RASGEF1C: variants seen among roughly 807,000 people sequenced by gnomAD.
RASGEF1C encodes the protein ras-GEF domain-containing family member 1C.
In RASGEF1C, 27 loss-of-function variants were observed where a neutral mutation model predicts 58.1. The observed-to-expected ratio is 0.46, with a 90% CI of 0.34 to 0.64. The LOEUF (loss-of-function observed/expected upper bound fraction) is 0.64. Ranked by LOEUF, RASGEF1C falls within the 30% of genes least tolerant of loss-of-function variation. RASGEF1C has a pLI of 0.01. For missense variants in RASGEF1C, 502 were observed against 605.1 expected, an observed-to-expected ratio of 0.83 and a Z score of 1.79; for synonymous variants, 243 against 246.3, an observed-to-expected ratio of 0.99 and a Z score of 0.13.
intron 1 of RASGEF1C, among the ~76,000 whole-genome samples, chr5:180,185,857 G>A (rs971656058): frequency 2.6e-5 from 4 of 151,960 alleles, no homozygotes; most frequent in African/African-American, 9.7e-5. Flanking sequence ...CAGCACTTTG[G>A]GAGGCTAAGG....
intron 1 of RASGEF1C, among the ~76,000 whole-genome samples, chr5:180,175,083 G>A (rs1229316160): frequency 1.3e-5 from 2 of 152,084 alleles, no homozygotes; most frequent in African/African-American, 4.8e-5. Flanking sequence ...GCTGCCCAGG[G>A]CTCCACACCA....
chr5:180,137,635 G>C lies in RASGEF1C; in HGVS notation c.255C>G (p.His85Gln). The C allele has an allele frequency of 6.2e-7, 1 of 1,612,500 alleles. No homozygotes were observed. Residue 85 changes from histidine (H) to glutamine (Q), a missense_variant, in exon 3 of 14, where the codon CAC becomes CAG. His to Gln is a conservative substitution (Grantham distance 24, BLOSUM62 0). Coordinates refer to ENST00000361132, the MANE Select transcript of RASGEF1C (RefSeq NM_175062.4). The surrounding 1 kb of genome is among the most constrained non-coding windows in gnomAD (Gnocchi z 4.1). ...EPRELLARVC[H>Q]LCIEQQQLDK... ...CCAGCTGCTGCTGCTCGATGCACAG[G>C]TGGCAGACCCGGGCCAGGAGCTCCC...
chr5:180,125,800 T>A (rs1026173919), intron 6 of RASGEF1C, among the ~76,000 whole-genome samples: 1 of 151,886 alleles, frequency 6.6e-6, no homozygotes, highest in Non-Finnish European at 1.5e-5. Context: ...AAAAAAAAGC[T>A]AATCTTAATT....
chr5:180,205,469 G>T (rs1215515575), intron 1 of RASGEF1C, among the ~76,000 whole-genome samples: 1 of 152,086 alleles, frequency 6.6e-6, no homozygotes, highest in Non-Finnish European at 1.5e-5. Flanking sequence ...TTTTGGATAA[G>T]ATAACTCAAC....
At chr5:180,176,682 G>A (rs958067565) in intron 1 of RASGEF1C, among the ~76,000 whole-genome samples, 20 of 151,554 alleles carry the variant, frequency 1.3e-4, no homozygotes, top group South Asian at 4.2e-4. Flanking sequence ...TCAGCCTCCC[G>A]AGTAGCTGGG....
In RASGEF1C at chr5:180,155,370, C is replaced by T. The variant is rs112538306; in HGVS notation, c.-6-17312G>A. ...GCCTGCTCCCTGATGTCTGAAGGGA[C>T]GCTGTGGGGGAACTGCAGCCTCCCT... On this transcript the variant is annotated intron_variant, in intron 1 of 13. Transcript: ENST00000361132. The surrounding 1 kb of genome is among the most constrained non-coding windows in gnomAD (Gnocchi z 5.2). Among the ~76,000 whole-genome samples the T allele has an allele frequency of 0.015, 2,359 of 152,258 alleles. 29 individuals carry two copies. The highest frequency in any genetic ancestry group is 0.024 in the Non-Finnish European group (1,621 of 68,024).
In RASGEF1C at chr5:180,102,970, C is replaced by T. The variant is rs565626930; in HGVS notation, c.1304-827G>A. On this transcript the variant is annotated intron_variant, in intron 12 of 13. Transcript: ENST00000361132. Reference sequence around the variant, plus strand: ...GGATTTGGGTAGGAATTGCATTAAACCTGTACTTAAATTCTGGGAGGAGAA... The same window carrying T: ...GGATTTGGGTAGGAATTGCATTAAATCTGTACTTAAATTCTGGGAGGAGAA... Among the ~76,000 whole-genome samples the T allele has an allele frequency of 2.0e-4, 31 of 152,336 alleles. No individual in the cohort carries two copies. In the South Asian group the frequency reaches 5.8e-3, roughly 28 times the overall value.
intron 1 of RASGEF1C, among the ~76,000 whole-genome samples, chr5:180,192,872 G>A (rs1465840689): frequency 2.0e-5 from 3 of 150,830 alleles, no homozygotes; most frequent in Admixed American, 1.3e-4. Flanking sequence ...AGCCTCCCGA[G>A]TAGCTGGGAC....
intron 1 of RASGEF1C, among the ~76,000 whole-genome samples, chr5:180,163,236 T>C (rs1228286674): frequency 1.4e-5 from 1 of 70,092 alleles, no homozygotes; most frequent in East Asian, 6.0e-4. Context: ...CCTCACTTTT[T>C]TTTTTTTTTT....
chr5:180,174,224 AG>A (rs1166965126), intron 1 of RASGEF1C, among the ~76,000 whole-genome samples: 3 of 152,188 alleles, frequency 2.0e-5, no homozygotes, highest in Admixed American at 6.5e-5. Flanking sequence ...TCTTGCTATA[AG>A]AAGAGGCTCT....
chr5:180,141,334 G>C (rs929040138), intron 1 of RASGEF1C, among the ~76,000 whole-genome samples: 2 of 152,178 alleles, frequency 1.3e-5, no homozygotes, highest in African/African-American at 4.8e-5. Context: ...CATCAGTGAC[G>C]AATGGATGGA....
intron 12 of RASGEF1C, among the ~76,000 whole-genome samples, chr5:180,103,288 A>G (rs972381377): frequency 2.7e-4 from 41 of 152,312 alleles, no homozygotes; most frequent in Admixed American, 7.2e-4. Context: ...CGTGTTAGCC[A>G]GGATGGTCTC....
chr5:180,102,193 C>A, intron 12 of RASGEF1C, 50 bp from the exon 13 acceptor site: 2 of 1,110,726 alleles, frequency 1.8e-6, no homozygotes, highest in Non-Finnish European at 2.8e-6. Flanking sequence ...ATGATAATAA[C>A]CTGTTCTACA....
In RASGEF1C at chr5:180,135,054, G is replaced by A. The variant is rs555575309; in HGVS notation, c.438+1324C>T. Among the ~76,000 whole-genome samples, 222 of 39,038 alleles carry A rather than the reference G, an allele frequency of 5.7e-3. 6 individuals carry two copies. The Middle Eastern group carries it at 0.067, about 12-fold the overall frequency. 25.6% of individuals were successfully genotyped at this position (39,038 alleles called of 152,430 possible). ...CGTTTCCGCTGTCCCCACCCCCCCC[G>A]TCCAATCATCAACTGTTCCCTGGCC... On this transcript the variant is annotated intron_variant, in intron 4 of 13. Transcript: ENST00000361132.
In RASGEF1C at chr5:180,198,004, T is replaced by A. The variant is rs927412959; in HGVS notation, c.-7+11024A>T. On this transcript the variant is annotated intron_variant, in intron 1 of 13. Transcript: ENST00000361132. This position sits in a 1 kb window ranked among gnomAD's most constrained non-coding sequence, Gnocchi z 4.5. ...GAAGGCATTGAACTGGCAACAGCGG[T>A]GCCTGAGTTAGCGTATTCCAAATTC... Among the ~76,000 whole-genome samples the A allele has an allele frequency of 8.5e-5, 13 of 152,312 alleles. No homozygotes were observed. The highest frequency in any genetic ancestry group is 2.9e-4 in the African/African-American group (12 of 41,572).
chr5:180,203,142 C>T (rs1272685852), intron 1 of RASGEF1C, among the ~76,000 whole-genome samples: 1 of 152,216 alleles, frequency 6.6e-6, no homozygotes, highest in Non-Finnish European at 1.5e-5. Context: ...TGCTCACCGG[C>T]ATGAGCTCTA....
intron 1 of RASGEF1C, among the ~76,000 whole-genome samples, chr5:180,165,717 T>C (rs1044519326): frequency 1.3e-5 from 2 of 150,996 alleles, no homozygotes; most frequent in Non-Finnish European, 2.9e-5. Context: ...CTTTTGAATA[T>C]ATGAACATTT....
chr5:180,203,941 C>T (rs1001677126), intron 1 of RASGEF1C, among the ~76,000 whole-genome samples: 5 of 151,916 alleles, frequency 3.3e-5, no homozygotes, highest in Non-Finnish European at 5.9e-5. Context: ...TGGAGTGAGC[C>T]GAGATCATGC....
At position 180,205,715 on chromosome 5, in the gene RASGEF1C, A is replaced by ATATTATTATTATTATTATTAT. The variant is rs10577396; in HGVS notation, c.-7+3292_-7+3312dup. 1.8e-3 allele frequency among the ~76,000 whole-genome samples: 266 copies of ATATTATTATTATTATTATTAT among 147,148 alleles called. 1 individual carries two copies. Among genetic ancestry groups the ATATTATTATTATTATTATTAT allele is most frequent in the African/African-American group, 6.5e-3 (259 of 39,974 alleles). ...TAAAGTCCTCTTTGCCATTATTATA[A>ATATTATTATTATTATTATTAT]TATTATTATTATTATTATTATTATT... On this transcript the variant is annotated intron_variant, in intron 1 of 13. Transcript: ENST00000361132.
Sources: gnomAD v4.1 joint callset for allele counts (sites outside exome capture counted in the v4.1 genomes callset) on GRCh38, gnomAD v4.1.1 for gene constraint, Gnocchi (gnomAD v3.1) non-coding constraint, MANE v1.5 for transcripts, NCBI Gene and HGNC (gene_info 2026-07-23, HGNC 2026-07-21) for gene names.